Variants in PLPPR4 observed in about 807,000 individuals in gnomAD.
PLPPR4 encodes the protein phospholipid phosphatase-related protein type 4.
PLPPR4 carries 24 observed loss-of-function variants against 56.6 expected under a neutral mutation model. That is an observed-to-expected ratio of 0.42 (90% CI 0.31 to 0.60). The LOEUF (loss-of-function observed/expected upper bound fraction) is 0.60. PLPPR4 is among the 20% of genes least tolerant of loss of function. The pLI is 0.13. For synonymous variants in PLPPR4, 326 were observed against 328.1 expected (o/e 0.99, Z 0.07); for missense variants, 654 against 885.8 (o/e 0.74, Z 3.32).
chr1:99,295,763 G>T (rs1169817970), intron 2 of PLPPR4, among the ~76,000 whole-genome samples: 1 of 152,168 alleles, frequency 6.6e-6, no homozygotes, highest in Non-Finnish European at 1.5e-5. Flanking sequence ...AGCCAAAAAT[G>T]CAATTCTCAC....
At chr1:99,270,323 G>A (rs1284933527) in intron 1 of PLPPR4, among the ~76,000 whole-genome samples, 1 of 152,128 alleles carries the variant, frequency 6.6e-6, no homozygotes, top group Non-Finnish European at 1.5e-5. Context: ...ACTGCACCTG[G>A]CCTACTCAGA....
At chr1:99,290,888 G>C (rs565505095) in intron 2 of PLPPR4, among the ~76,000 whole-genome samples, 1 of 152,194 alleles carries the variant, frequency 6.6e-6, no homozygotes, top group African/African-American at 2.4e-5. Context: ...CACAGGCAAA[G>C]ATTTCATGAT....
At chr1:99,265,533 C>G (rs1156512180) in intron 1 of PLPPR4, among the ~76,000 whole-genome samples, 1 of 152,112 alleles carries the variant, frequency 6.6e-6, no homozygotes, top group Non-Finnish European at 1.5e-5. Flanking sequence ...CATTTTTAAG[C>G]AAGAGGTTTA....
intron 2 of PLPPR4, among the ~76,000 whole-genome samples, chr1:99,292,195 C>T (rs1659639961): frequency 6.6e-6 from 1 of 152,102 alleles, no homozygotes; most frequent in Non-Finnish European, 1.5e-5. Context: ...TATCAAGTTG[C>T]TAGGAAAGCA....
chr1:99,275,942 C>T (rs1659175314), intron 1 of PLPPR4, among the ~76,000 whole-genome samples: 1 of 152,076 alleles, frequency 6.6e-6, no homozygotes. Context: ...TGAGATGACC[C>T]TAAGAATCAC....
chr1:99,283,820 CACG>C (rs1659396054), intron 1 of PLPPR4, among the ~76,000 whole-genome samples: 1 of 152,080 alleles, frequency 6.6e-6, no homozygotes, highest in Non-Finnish European at 1.5e-5. Flanking sequence ...GGTGTGGTGG[CACG>C]CTCCTGTAGT....
chr1:99,290,146 C>A (rs1270417203), intron 2 of PLPPR4, among the ~76,000 whole-genome samples: 5 of 152,022 alleles, frequency 3.3e-5, no homozygotes, highest in Non-Finnish European at 5.9e-5. Flanking sequence ...TATACCCCAA[C>A]AACAGTTAAG....
chr1:99,266,157 T>A (rs562075941), intron 1 of PLPPR4, among the ~76,000 whole-genome samples: 1 of 152,342 alleles, frequency 6.6e-6, no homozygotes, highest in Non-Finnish European at 1.5e-5. Flanking sequence ...AAAGATGAGA[T>A]ACCTGCCTTC....
At chr1:99,269,233 T>C (rs1012694520) in intron 1 of PLPPR4, among the ~76,000 whole-genome samples, 1 of 152,226 alleles carries the variant, frequency 6.6e-6, no homozygotes, top group African/African-American at 2.4e-5. Flanking sequence ...GCTTCATCCA[T>C]ATCCCTGCAA....
intron 2 of PLPPR4, among the ~76,000 whole-genome samples, chr1:99,289,382 A>G (rs1659557506): frequency 1.3e-5 from 2 of 152,158 alleles, no homozygotes; most frequent in Admixed American, 1.3e-4. Context: ...GCTGTTTACA[A>G]TTTAAATACA....
intron 1 of PLPPR4, among the ~76,000 whole-genome samples, chr1:99,266,432 C>T (rs954960957): frequency 3.3e-5 from 5 of 152,166 alleles, no homozygotes; most frequent in African/African-American, 1.2e-4. Context: ...TGTACGTGGG[C>T]GCTTTTGAGG....
chr1:99,289,753 T>C (rs1037709319), intron 2 of PLPPR4, among the ~76,000 whole-genome samples: 1 of 152,166 alleles, frequency 6.6e-6, no homozygotes, highest in African/African-American at 2.4e-5. Flanking sequence ...CATACCTTCA[T>C]GTTAAAAACT....
intron 1 of PLPPR4, among the ~76,000 whole-genome samples, chr1:99,273,641 T>C (rs1659111805): frequency 6.6e-6 from 1 of 152,104 alleles, no homozygotes; most frequent in South Asian, 2.1e-4. Flanking sequence ...TTTTGTACTC[T>C]TACAACAATT....
chr1:99,295,130 G>A (rs529314467), intron 2 of PLPPR4, among the ~76,000 whole-genome samples: 1 of 152,236 alleles, frequency 6.6e-6, no homozygotes, highest in East Asian at 1.9e-4. Context: ...GCATCCAATG[G>A]TTTGAAATGA....
At chr1:99,268,149 G>C (rs1303072894) in intron 1 of PLPPR4, among the ~76,000 whole-genome samples, 1 of 152,192 alleles carries the variant, frequency 6.6e-6, no homozygotes, top group East Asian at 1.9e-4. Context: ...ACTTTCTATT[G>C]TTTCTCACTG....
chr1:99,306,000 C>A lies in PLPPR4; in HGVS notation c.1138C>A (p.Pro380Thr). ...PRANTPSVED[P>T]VRRNASIHAS... ...AGCCAATACCCCATCTGTAGAAGAC[C>A]CTGTCAGAAGAAATGCGAGCATTCA... The change falls in exon 7 of 7, where the codon CCT becomes ACT. Residue 380 changes from proline (P) to threonine (T), a missense_variant. Transcript: ENST00000370185. 6.2e-7 allele frequency: 1 copy of A among 1,614,128 alleles called. No individual in the cohort carries two copies. Among genetic ancestry groups the A allele is most frequent in the Non-Finnish European group, 8.5e-7 (1 of 1,180,016 alleles).
intron 1 of PLPPR4, among the ~76,000 whole-genome samples, chr1:99,282,582 G>A (rs1659356573): frequency 6.6e-6 from 1 of 152,002 alleles, no homozygotes; most frequent in Non-Finnish European, 1.5e-5. Context: ...CAATCTAACA[G>A]CCAGTGATCT....
intron 1 of PLPPR4, among the ~76,000 whole-genome samples, chr1:99,275,141 A>G (rs1557774186): frequency 1.3e-5 from 2 of 152,262 alleles, no homozygotes; most frequent in Non-Finnish European, 2.9e-5. Flanking sequence ...AGAACATCCA[A>G]CTGTGAAGAT....
intron 1 of PLPPR4, among the ~76,000 whole-genome samples, chr1:99,270,901 G>A (rs1659041502): frequency 6.6e-6 from 1 of 152,134 alleles, no homozygotes; most frequent in Admixed American, 6.5e-5. Context: ...AAAGTCTGAT[G>A]CAAAATAAAG....
Sources: allele counts gnomAD v4.1 joint callset (sites outside exome capture counted in the v4.1 genomes callset), GRCh38; gene constraint gnomAD v4.1.1; transcripts MANE v1.5; gene names NCBI Gene and HGNC (gene_info 2026-07-23, HGNC 2026-07-21).